CATSPERB: variants seen among roughly 807,000 people sequenced by gnomAD.
CATSPERB encodes the protein cation channel sperm-associated auxiliary subunit beta.
A neutral mutation model predicts 128.3 loss-of-function variants in CATSPERB; 93 were observed. The ratio of observed to expected loss-of-function variants is 0.72; its 90% confidence interval spans 0.61 to 0.86. CATSPERB has a LOEUF of 0.86. Ranked by LOEUF, CATSPERB falls within the 40% of genes least tolerant of loss-of-function variation. The pLI, the probability that CATSPERB is intolerant of heterozygous loss-of-function variation, is 0.00. For missense variants in CATSPERB, 1,153 were observed against 1,329.5 expected (o/e 0.87, Z 2.06); for synonymous variants, 381 against 448.8 (o/e 0.85, Z 1.91).
At position 91,706,383 on chromosome 14, in the gene CATSPERB, T is replaced by C. The variant is rs535452430; in HGVS notation, c.467-1682A>G. ...GGTCAGGGAGATTTCAGCTTACCAC[T>C]GGACATCACGGAGCTGACAATGCCC... On this transcript the variant is annotated intron_variant, in intron 6 of 26. Coordinates refer to ENST00000256343, the MANE Select transcript of CATSPERB (RefSeq NM_024764.4). Among the ~76,000 whole-genome samples, 4 of 152,350 alleles carry C rather than the reference T, an allele frequency of 2.6e-5. No homozygotes were observed. The South Asian group carries it at 8.3e-4, about 32-fold the overall frequency.
At chr14:91,683,588 T>C (rs1459799546) in intron 11 of CATSPERB, among the ~76,000 whole-genome samples, 2 of 151,996 alleles carry the variant, frequency 1.3e-5, no homozygotes, top group Non-Finnish European at 2.9e-5. Flanking sequence ...AGCTGTGAAA[T>C]TCCAGAGATT....
intron 22 of CATSPERB, among the ~76,000 whole-genome samples, chr14:91,595,436 G>T (rs1164512842): frequency 6.6e-6 from 1 of 151,940 alleles, no homozygotes; most frequent in Non-Finnish European, 1.5e-5. Flanking sequence ...CAAGGTGCTG[G>T]GATTACAGGC....
chr14:91,655,385 TCAGA>T (rs1894769933), intron 15 of CATSPERB, among the ~76,000 whole-genome samples: 1 of 152,196 alleles, frequency 6.6e-6, no homozygotes. Context: ...ATGTGACCTT[TCAGA>T]CAGAGAATTC....
intron 26 of CATSPERB, among the ~76,000 whole-genome samples, chr14:91,583,235 G>A (rs1231982163): frequency 6.6e-6 from 1 of 152,164 alleles, no homozygotes; most frequent in East Asian, 1.9e-4. Flanking sequence ...TGGCTAACAT[G>A]GTGAAACCCC....
intron 14 of CATSPERB, among the ~76,000 whole-genome samples, chr14:91,662,995 G>T (rs1302859966): frequency 6.6e-6 from 1 of 152,072 alleles, no homozygotes; most frequent in Non-Finnish European, 1.5e-5. Flanking sequence ...GATTGTTGTT[G>T]TTTTTCACTT....
chr14:91,698,355 C>T (rs1213893391), intron 7 of CATSPERB, among the ~76,000 whole-genome samples: 1 of 152,070 alleles, frequency 6.6e-6, no homozygotes, highest in Admixed American at 6.6e-5. Context: ...CTGTTGGATG[C>T]CTCCTTCTCC....
At chr14:91,609,706 T>A (rs1232426160) in intron 21 of CATSPERB, among the ~76,000 whole-genome samples, 2 of 152,188 alleles carry the variant, frequency 1.3e-5, no homozygotes, top group Admixed American at 1.3e-4. Flanking sequence ...AACTTTTTAT[T>A]AATTTTTTAG....
intron 22 of CATSPERB, among the ~76,000 whole-genome samples, chr14:91,602,912 C>T (rs933695033): frequency 2.6e-5 from 4 of 152,068 alleles, no homozygotes; most frequent in Non-Finnish European, 4.4e-5. Flanking sequence ...TCATCATCAC[C>T]TTCTCTACTT....
At chr14:91,596,466 G>A (rs1893507936) in intron 22 of CATSPERB, among the ~76,000 whole-genome samples, 1 of 152,134 alleles carries the variant, frequency 6.6e-6, no homozygotes, top group South Asian at 2.1e-4. Context: ...GCCTCCCAAA[G>A]TGCTGGGATT....
intron 11 of CATSPERB, among the ~76,000 whole-genome samples, chr14:91,676,235 A>T (rs1421659090): frequency 6.6e-6 from 1 of 152,192 alleles, no homozygotes; most frequent in African/African-American, 2.4e-5. Flanking sequence ...GAATGGTACC[A>T]TCAACACTGG....
intron 22 of CATSPERB, among the ~76,000 whole-genome samples, chr14:91,602,873 C>T (rs915035687): frequency 1.3e-5 from 2 of 152,034 alleles, no homozygotes; most frequent in African/African-American, 4.8e-5. Context: ...TCATCATATC[C>T]CTCCTGTTCT....
At chr14:91,674,383 C>T (rs1244979476) in intron 11 of CATSPERB, among the ~76,000 whole-genome samples, 161 bp from the exon 12 acceptor site, 1 of 152,098 alleles carries the variant, frequency 6.6e-6, no homozygotes, top group Admixed American at 6.5e-5. Context: ...TATGTATCAT[C>T]AAGTAATGTA....
At chr14:91,701,446 T>C (rs536054199) in intron 7 of CATSPERB, among the ~76,000 whole-genome samples, 8 of 152,134 alleles carry the variant, frequency 5.3e-5, no homozygotes, top group Admixed American at 3.3e-4. Flanking sequence ...GTGAGTGATA[T>C]GGGGGAATTT....
At chr14:91,626,338 C>T (rs1025877942) in intron 17 of CATSPERB, among the ~76,000 whole-genome samples, 2 of 143,722 alleles carry the variant, frequency 1.4e-5, no homozygotes, top group Non-Finnish European at 1.5e-5. Flanking sequence ...ATTTCCAATG[C>T]AAGAGTGTTG....
intron 14 of CATSPERB, among the ~76,000 whole-genome samples, chr14:91,663,346 A>G (rs1323306547): frequency 1.3e-5 from 2 of 152,102 alleles, no homozygotes; most frequent in Non-Finnish European, 2.9e-5. Flanking sequence ...TCATTGCCAA[A>G]TTACTTTGGA....
At chr14:91,716,899 T>C (rs1895953160) in intron 5 of CATSPERB, among the ~76,000 whole-genome samples, 1 of 152,194 alleles carries the variant, frequency 6.6e-6, no homozygotes, top group African/African-American at 2.4e-5. Context: ...ATCCTACTAC[T>C]TGGTATTAGC....
chr14:91,643,884 C>G (rs1224568454), intron 15 of CATSPERB, among the ~76,000 whole-genome samples: 2 of 109,706 alleles, frequency 1.8e-5, no homozygotes, highest in Admixed American at 9.1e-5. Context: ...CTTTATGAAT[C>G]TGGGTGCTCC....
chr14:91,602,988 A>G (rs939748972), intron 22 of CATSPERB, among the ~76,000 whole-genome samples: 2 of 150,908 alleles, frequency 1.3e-5, no homozygotes, highest in African/African-American at 4.9e-5. Context: ...CTCTTTTCCA[A>G]TTCCTCAATT....
At chr14:91,637,445 A>T (rs557468264) in intron 16 of CATSPERB, among the ~76,000 whole-genome samples, 1 of 152,254 alleles carries the variant, frequency 6.6e-6, no homozygotes, top group African/African-American at 2.4e-5. Flanking sequence ...ATGGCTAAAC[A>T]TCTTTAGAAT....
Sources: allele counts gnomAD v4.1 joint callset (sites outside exome capture counted in the v4.1 genomes callset), GRCh38; gene constraint gnomAD v4.1.1; transcripts MANE v1.5; gene names NCBI Gene and HGNC (gene_info 2026-07-23, HGNC 2026-07-21).